Variants in RBFOX1 observed in about 807,000 individuals in gnomAD.
RBFOX1 encodes the protein RNA binding protein fox-1 homolog 1.
Under a neutral mutation model 57.7 loss-of-function variants are expected in RBFOX1, and 8 were observed. The ratio of observed to expected loss-of-function variants is 0.14; its 90% CI spans 0.08 to 0.25. The LOEUF is 0.25. RBFOX1 is among the 10% of genes least tolerant of loss of function. The pLI is 1.00. For synonymous variants in RBFOX1, 326 were observed against 222.4 expected, an observed-to-expected ratio of 1.47 and a Z score of -4.15; for missense variants, 611 against 548.5, an observed-to-expected ratio of 1.11 and a Z score of -1.14.
chr16:5,734,611 G>T (rs560795202), intron 3 of RBFOX1, among the ~76,000 whole-genome samples: 5 of 152,242 alleles, frequency 3.3e-5, no homozygotes, highest in African/African-American at 1.2e-4. Context: ...CAGGTCCACT[G>T]ATCTCAAAGC....
intron 1 of RBFOX1, among the ~76,000 whole-genome samples, chr16:6,185,056 T>C (rs2097096395): frequency 6.6e-6 from 1 of 152,174 alleles, no homozygotes; most frequent in Admixed American, 6.5e-5. Context: ...GACAGCTCTG[T>C]GCGTCTGTAG....
At chr16:6,957,767 G>A (rs1206557832) in intron 3 of RBFOX1, among the ~76,000 whole-genome samples, 2 of 152,118 alleles carry the variant, frequency 1.3e-5, no homozygotes, top group Non-Finnish European at 2.9e-5. Flanking sequence ...TCAAACATCT[G>A]TGACTGTTGG....
chr16:5,923,246 A>G (rs1007024812), intron 4 of RBFOX1, among the ~76,000 whole-genome samples: 1 of 152,202 alleles, frequency 6.6e-6, no homozygotes, highest in Non-Finnish European at 1.5e-5. Context: ...GAAAAATAAT[A>G]AACTCTAAAT....
At chr16:6,544,858 A>G (rs900992561) in intron 2 of RBFOX1, among the ~76,000 whole-genome samples, 3 of 152,218 alleles carry the variant, frequency 2.0e-5, no homozygotes, top group Non-Finnish European at 4.4e-5. Flanking sequence ...GGCTTGATCC[A>G]AGTTGGAATC....
At chr16:5,648,826 G>A (rs2049134710) in intron 3 of RBFOX1, among the ~76,000 whole-genome samples, 2 of 152,168 alleles carry the variant, frequency 1.3e-5, no homozygotes, top group Non-Finnish European at 2.9e-5. Context: ...CACTTCGGGA[G>A]GCCAAAGCAG....
chr16:5,270,617 C>A, intron 1 of RBFOX1: 2 of 585,116 alleles, frequency 3.4e-6, no homozygotes, highest in South Asian at 1.6e-5. Context: ...ACGCAACAAT[C>A]AGATACTGAA....
At chr16:6,017,491 A>G (rs1312670866), upstream of RBFOX1, among the ~76,000 whole-genome samples, 4 of 152,048 alleles carry the variant, frequency 2.6e-5, no homozygotes, top group East Asian at 3.9e-4. Context: ...TCATTTTGCT[A>G]TCACTGAAGG....
At chr16:6,616,778 A>T (rs2098147956) in intron 2 of RBFOX1, among the ~76,000 whole-genome samples, 1 of 152,222 alleles carries the variant, frequency 6.6e-6, no homozygotes, top group South Asian at 2.1e-4. Flanking sequence ...CTTTTCTGAC[A>T]AGAGTGAGCT....
chr16:6,113,109 G>C (rs939496997), intron 1 of RBFOX1, among the ~76,000 whole-genome samples: 1 of 152,184 alleles, frequency 6.6e-6, no homozygotes, highest in African/African-American at 2.4e-5. Flanking sequence ...TGAGTGCTAT[G>C]TGGCTAGTCC....
intron 5 of RBFOX1, among the ~76,000 whole-genome samples, chr16:7,579,278 G>A (rs2093571068): frequency 6.6e-6 from 1 of 152,154 alleles, no homozygotes; most frequent in South Asian, 2.1e-4. Context: ...ATTTAATTAT[G>A]TTTTATCTGC....
At chr16:7,345,035 C>G (rs1042930661) in intron 4 of RBFOX1, among the ~76,000 whole-genome samples, 3 of 151,230 alleles carry the variant, frequency 2.0e-5, no homozygotes, top group African/African-American at 7.4e-5. Flanking sequence ...TGTGTGGTGA[C>G]AAAGGCTGAG....
At chr16:7,194,692 T>G (rs563146225) in intron 4 of RBFOX1, among the ~76,000 whole-genome samples, 44 of 152,080 alleles carry the variant, frequency 2.9e-4, no homozygotes, top group Non-Finnish European at 5.0e-4. Context: ...ATTTTAGAGG[T>G]TGAGGTGGGT....
At chr16:7,493,386 G>T (rs1406137721) in intron 4 of RBFOX1, among the ~76,000 whole-genome samples, 1 of 152,168 alleles carries the variant, frequency 6.6e-6, no homozygotes, top group African/African-American at 2.4e-5. Context: ...AATAGACTCA[G>T]TAACGCCCAC....
intron 4 of RBFOX1, among the ~76,000 whole-genome samples, chr16:7,197,440 G>GAAAAAAAAAAAAAAAAAAAAAAAAA (rs57893229): frequency 2.2e-5 from 2 of 91,326 alleles, no homozygotes; most frequent in Non-Finnish European, 2.1e-5. Context: ...CCTGTGAGTG[G>GAAAAAAAAAAAAAAAAAAAAAAAAA]AAAAAAAAAA....
intron 1 of RBFOX1, among the ~76,000 whole-genome samples, chr16:5,335,449 G>C (rs2064871842): frequency 6.6e-6 from 1 of 152,206 alleles, no homozygotes; most frequent in Non-Finnish European, 1.5e-5. Flanking sequence ...TGGCTTTGCT[G>C]TCTCCTTCCT....
In RBFOX1 at chr16:5,935,225, T is replaced by C. The variant is rs554340840; in HGVS notation, c.351+67890T>C. On this transcript the variant is annotated intron_variant, in intron 4 of 19. Coordinates refer to the RBFOX1 transcript ENST00000641259. ...TCTAAAAAATGGAAAATTTGAGCTA[T>C]AGTGAGGTTAACAGATCAGGAAGTA... Among the ~76,000 whole-genome samples the C allele has an allele frequency of 7.6e-4, 116 of 152,308 alleles. 1 individual carries two copies. Among genetic ancestry groups the C allele is most frequent in the African/African-American group, 2.3e-3 (94 of 41,588 alleles).
At chr16:5,548,480 G>T (rs1415918101) in intron 2 of RBFOX1, among the ~76,000 whole-genome samples, 1 of 151,916 alleles carries the variant, frequency 6.6e-6, no homozygotes, top group East Asian at 1.9e-4. Flanking sequence ...TAACTTAATT[G>T]TAGATTTAAG....
intron 2 of RBFOX1, among the ~76,000 whole-genome samples, chr16:6,480,556 G>C (rs1439676423): frequency 6.6e-6 from 1 of 152,138 alleles, no homozygotes; most frequent in Non-Finnish European, 1.5e-5. Flanking sequence ...TAACTAGCAG[G>C]CTGTACAGAA....
At chr16:5,546,127 G>C (rs1651883171) in intron 2 of RBFOX1, among the ~76,000 whole-genome samples, 1 of 152,116 alleles carries the variant, frequency 6.6e-6, no homozygotes, top group South Asian at 2.1e-4. Context: ...AAATTTGTAT[G>C]ATTCATATAC....
Sources: gnomAD v4.1 joint callset for allele counts (sites outside exome capture counted in the v4.1 genomes callset) on GRCh38, gnomAD v4.1.1 for gene constraint, MANE v1.5 for transcripts, NCBI Gene and HGNC (gene_info 2026-07-23, HGNC 2026-07-21) for gene names.